Variants in RIMS2 observed in about 807,000 individuals in gnomAD.
RIMS2 encodes regulating synaptic membrane exocytosis 2, also known as regulating synaptic membrane exocytosis protein 2.
A neutral mutation model predicts 174.4 loss-of-function variants in RIMS2; 59 were observed. The ratio of observed to expected loss-of-function variants is 0.34; its 90% CI spans 0.27 to 0.42. RIMS2 has a LOEUF of 0.42. RIMS2 is among the 10% of genes least tolerant of loss of function. The probability of loss-of-function intolerance (pLI) is 1.00; values close to 1 mark genes in which losing one functional copy is unlikely to be tolerated. For missense variants in RIMS2, 1,620 were observed against 1,666.3 expected (o/e 0.97, Z 0.48); for synonymous variants, 606 against 572.5 (o/e 1.06, Z -0.84).
chr8:103,969,085 C>T (rs534844038), intron 15 of RIMS2, among the ~76,000 whole-genome samples: 34 of 152,044 alleles, frequency 2.2e-4, no homozygotes, highest in Non-Finnish European at 4.6e-4. Context: ...TAATTCTTAT[C>T]TTTGTTCTAT....
Position 103,838,989 on chromosome 8 carries a change from C to T in RIMS2, c.699-46309C>T, listed in dbSNP as rs192491682. On this transcript the variant is annotated intron_variant, in intron 3 of 23. Coordinates refer to ENST00000504942, the Ensembl canonical transcript of RIMS2. ...CTGAGGCAAGAGAACGGCGTGAACC[C>T]GGGAGGTGGAGCTTGCAGTGAGCCA... 1.7e-3 allele frequency among the ~76,000 whole-genome samples: 257 copies of T among 152,188 alleles called. 2 individuals carry two copies. The highest frequency in any genetic ancestry group is 5.6e-3 in the African/African-American group (233 of 41,526).
chr8:103,579,457 T>C (rs1404477301), intron 1 of RIMS2, among the ~76,000 whole-genome samples: 2 of 152,186 alleles, frequency 1.3e-5, no homozygotes, highest in Non-Finnish European at 2.9e-5. Flanking sequence ...TTCATAACTT[T>C]AGTATGAAGC....
chr8:103,689,437 A>C (rs2096984498), intron 1 of RIMS2, among the ~76,000 whole-genome samples: 1 of 152,152 alleles, frequency 6.6e-6, no homozygotes, highest in Non-Finnish European at 1.5e-5. Flanking sequence ...TGATCTGTCC[A>C]ATGCTGAAAG....
intron 1 of RIMS2, among the ~76,000 whole-genome samples, chr8:103,553,048 A>G: frequency 6.6e-6 from 1 of 152,172 alleles, no homozygotes; most frequent in East Asian, 1.9e-4. Flanking sequence ...TGATTCCTCA[A>G]GGATCTAGAA....
chr8:103,670,673 A>G (rs144620541), intron 1 of RIMS2, among the ~76,000 whole-genome samples: 1 of 152,212 alleles, frequency 6.6e-6, no homozygotes, highest in Non-Finnish European at 1.5e-5. Context: ...TTGCTAAAAA[A>G]TAACAAGAGT....
chr8:103,546,486 TA>T (rs1280291281), intron 1 of RIMS2, among the ~76,000 whole-genome samples: 2 of 152,128 alleles, frequency 1.3e-5, no homozygotes, highest in Non-Finnish European at 2.9e-5. Flanking sequence ...GGCAGAAAGC[TA>T]ACAAAGATAT....
intron 3 of RIMS2, among the ~76,000 whole-genome samples, chr8:103,858,015 G>A (rs2099037355): frequency 6.6e-6 from 1 of 152,194 alleles, no homozygotes; most frequent in Non-Finnish European, 1.5e-5. Context: ...AAGTTACAGA[G>A]AGTCTGGTGC....
intron 19 of RIMS2, among the ~76,000 whole-genome samples, chr8:104,107,794 A>T (rs78038318): frequency 0.021 from 3,184 of 152,286 alleles, 46 homozygotes; most frequent in Middle Eastern, 0.11. Flanking sequence ...CAAAAACTTT[A>T]AAAAAATTAC....
intron 1 of RIMS2, among the ~76,000 whole-genome samples, chr8:103,675,252 C>T (rs956687304): frequency 2.0e-5 from 3 of 152,152 alleles, no homozygotes; most frequent in African/African-American, 7.2e-5. Flanking sequence ...TAAAGTCTTT[C>T]CTAGTAGTCC....
intron 19 of RIMS2, among the ~76,000 whole-genome samples, chr8:104,083,605 T>C (rs2097473580): frequency 6.6e-6 from 1 of 152,232 alleles, no homozygotes; most frequent in Non-Finnish European, 1.5e-5. Flanking sequence ...TAGTAGATCT[T>C]ATGGGTTTCT....
chr8:103,927,428 T>C (rs1017569324), intron 10 of RIMS2, among the ~76,000 whole-genome samples: 4 of 151,510 alleles, frequency 2.6e-5, no homozygotes, highest in South Asian at 2.1e-4. Flanking sequence ...AATGACTCTG[T>C]AATACATTTT....
At chr8:103,840,186 A>C (rs531278291) in intron 3 of RIMS2, among the ~76,000 whole-genome samples, 217 of 152,304 alleles carry the variant, frequency 1.4e-3, no homozygotes, top group African/African-American at 5.0e-3. Flanking sequence ...ATTATTTCAT[A>C]ATAATGTAAT....
intron 19 of RIMS2, among the ~76,000 whole-genome samples, chr8:104,122,324 C>G (rs2098386324): frequency 6.6e-6 from 1 of 151,958 alleles, no homozygotes; most frequent in Admixed American, 6.6e-5. Context: ...AGATGTGAAG[C>G]TGTAAGTGCT....
intron 2 of RIMS2, among the ~76,000 whole-genome samples, chr8:103,761,157 T>TGTG (rs1196169211): frequency 3.3e-4 from 51 of 152,334 alleles, no homozygotes; most frequent in African/African-American, 1.2e-3. Flanking sequence ...GATTTCAAGC[T>TGTG]AACCCACATT....
intron 19 of RIMS2, among the ~76,000 whole-genome samples, chr8:104,060,464 T>C (rs1324037413): frequency 6.6e-6 from 1 of 152,188 alleles, no homozygotes; most frequent in Non-Finnish European, 1.5e-5. Context: ...CTCTCTTTTC[T>C]TCTTTATTAG....
intron 2 of RIMS2, among the ~76,000 whole-genome samples, chr8:103,755,677 T>C (rs1324364438): frequency 6.6e-6 from 1 of 152,170 alleles, no homozygotes; most frequent in Admixed American, 6.5e-5. Flanking sequence ...ATTGAGTTGA[T>C]CTTCAATCTC....
At chr8:103,774,748 A>G (rs1351955565) in intron 3 of RIMS2, among the ~76,000 whole-genome samples, 2 of 152,180 alleles carry the variant, frequency 1.3e-5, no homozygotes, top group African/African-American at 4.8e-5. Flanking sequence ...AAAAGAAATC[A>G]TAACAATGTT....
intron 14 of RIMS2, among the ~76,000 whole-genome samples, chr8:103,949,124 CAAAAAAA>C (rs533642917): frequency 0.037 from 1,610 of 43,990 alleles, 20 homozygotes; most frequent in African/African-American, 0.1. Flanking sequence ...GAGACTCTGT[CAAAAAAA>C]AAAAAAAAAA....
chr8:104,177,456 T>A (rs1471340000), intron 19 of RIMS2, among the ~76,000 whole-genome samples: 1 of 152,152 alleles, frequency 6.6e-6, no homozygotes, highest in Non-Finnish European at 1.5e-5. Context: ...TTTAATAAGA[T>A]CTCACACATT....
Sources: allele counts gnomAD v4.1 joint callset (sites outside exome capture counted in the v4.1 genomes callset), GRCh38; gene constraint gnomAD v4.1.1; transcripts MANE v1.5; gene names NCBI Gene and HGNC (gene_info 2026-07-23, HGNC 2026-07-21).